Variants in SGMS2 observed in about 807,000 individuals in gnomAD.
SGMS2 encodes the protein sphingomyelin synthase 2, also known as phosphatidylcholine:ceramide cholinephosphotransferase 2.
Under a neutral mutation model 43.8 loss-of-function variants are expected in SGMS2, and 21 were observed. The ratio of observed to expected loss-of-function variants is 0.48; its 90% CI spans 0.34 to 0.69. The LOEUF (loss-of-function observed/expected upper bound fraction) is 0.69. Among genes scored for constraint, SGMS2 ranks in the 30% least tolerant of loss-of-function variants. SGMS2 has a pLI of 0.01. For synonymous variants in SGMS2, 167 were observed against 160.6 expected, an observed-to-expected ratio of 1.04 and a Z score of -0.30; for missense variants, 384 against 443.2, an observed-to-expected ratio of 0.87 and a Z score of 1.20.
intron 1 of SGMS2, among the ~76,000 whole-genome samples, chr4:107,833,761 A>T (rs1455001943): frequency 6.6e-6 from 1 of 152,302 alleles, no homozygotes; most frequent in Middle Eastern, 3.4e-3. Flanking sequence ...TGACCAGCTG[A>T]TGTTGACATT....
intron 5 of SGMS2, among the ~76,000 whole-genome samples, chr4:107,904,940 A>T (rs141885023): frequency 6.6e-6 from 1 of 152,126 alleles, no homozygotes; most frequent in Admixed American, 6.6e-5. Flanking sequence ...TGAGGATCAT[A>T]AAAAAATTAC....
intron 2 of SGMS2, among the ~76,000 whole-genome samples, chr4:107,888,065 C>T (rs1355696351): frequency 6.6e-6 from 1 of 152,112 alleles, no homozygotes; most frequent in Non-Finnish European, 1.5e-5. Flanking sequence ...TCAGTTCCTA[C>T]AGTCTCATAC....
chr4:107,881,763 C>T (rs1343624745), intron 2 of SGMS2, among the ~76,000 whole-genome samples: 1 of 152,118 alleles, frequency 6.6e-6, no homozygotes, highest in Non-Finnish European at 1.5e-5. Flanking sequence ...CCCTGCCACC[C>T]ACCACTACTC....
At chr4:107,873,606 T>G (rs901920412) in intron 2 of SGMS2, among the ~76,000 whole-genome samples, 1 of 151,984 alleles carries the variant, frequency 6.6e-6, no homozygotes, top group African/African-American at 2.4e-5. Flanking sequence ...TATATACTTA[T>G]GCTGTGTTTA....
chr4:107,909,144 T>A (rs1731883707), intron 6 of SGMS2, among the ~76,000 whole-genome samples: 2 of 151,914 alleles, frequency 1.3e-5, no homozygotes, highest in Admixed American at 1.3e-4. Context: ...CTTGTTCTAT[T>A]GCCCAAGCTG....
chr4:107,875,911 A>G (rs1451736289), intron 2 of SGMS2, among the ~76,000 whole-genome samples: 1 of 152,138 alleles, frequency 6.6e-6, no homozygotes, highest in African/African-American at 2.4e-5. Context: ...GGACTGAAGC[A>G]TAGGACTTCA....
intron 1 of SGMS2, among the ~76,000 whole-genome samples, chr4:107,827,900 C>A (rs182755125): frequency 6.6e-6 from 1 of 152,082 alleles, no homozygotes; most frequent in African/African-American, 2.4e-5. Context: ...GCAGGAGAAT[C>A]GCTTGAACCT....
chr4:107,904,613 G>A (rs895927410), intron 5 of SGMS2, among the ~76,000 whole-genome samples: 3 of 152,116 alleles, frequency 2.0e-5, no homozygotes, highest in African/African-American at 7.2e-5. Context: ...CCTGCAGTAG[G>A]GAGAATAGTG....
At chr4:107,842,289 C>T (rs1234296225) in intron 1 of SGMS2, among the ~76,000 whole-genome samples, 1 of 152,148 alleles carries the variant, frequency 6.6e-6, no homozygotes, top group Non-Finnish European at 1.5e-5. Context: ...ACATCTGCTT[C>T]TGGTGAGGGC....
At chr4:107,887,469 C>T (rs1432799042) in intron 2 of SGMS2, among the ~76,000 whole-genome samples, 1 of 152,130 alleles carries the variant, frequency 6.6e-6, no homozygotes, top group Non-Finnish European at 1.5e-5. Context: ...ATACCAATAG[C>T]ATATTTATAC....
chr4:107,826,054 C>T (rs189721951), intron 1 of SGMS2, among the ~76,000 whole-genome samples: 2 of 152,254 alleles, frequency 1.3e-5, no homozygotes, highest in East Asian at 3.9e-4. Context: ...TTACCAGTCT[C>T]CTCTATTAAC....
intron 2 of SGMS2, among the ~76,000 whole-genome samples, chr4:107,891,878 T>C (rs570550644): frequency 1.3e-5 from 2 of 152,146 alleles, no homozygotes; most frequent in African/African-American, 4.8e-5. Context: ...AGCCTACACG[T>C]TGAACATACC....
At chr4:107,898,373 T>C (rs1481227695) in intron 3 of SGMS2, among the ~76,000 whole-genome samples, 1 of 152,158 alleles carries the variant, frequency 6.6e-6, no homozygotes, top group African/African-American at 2.4e-5. Flanking sequence ...TTCCAAATGT[T>C]ATCTGAATTA....
At chr4:107,879,555 A>G (rs1377262139) in intron 2 of SGMS2, among the ~76,000 whole-genome samples, 1 of 151,226 alleles carries the variant, frequency 6.6e-6, no homozygotes, top group African/African-American at 2.4e-5. Flanking sequence ...TCTGCCTCCC[A>G]GGTTCAAGTG....
intron 2 of SGMS2, among the ~76,000 whole-genome samples, chr4:107,882,923 CT>C (rs969739448): frequency 1.3e-5 from 2 of 151,940 alleles, no homozygotes; most frequent in African/African-American, 2.4e-5. Context: ...CAGGAACATG[CT>C]TTTTTTGATC....
In SGMS2 at chr4:107,909,255, G is replaced by A. The variant is rs188564094; in HGVS notation, c.894+524G>A. ...CAAATAGCTGGGATTACAGGTGCAC[G>A]ACACCACGCCTGGCTAATTTTTATT... On this transcript the variant is annotated intron_variant, in intron 6 of 6. Coordinates refer to ENST00000690982, the MANE Select transcript of SGMS2 (RefSeq NM_001375905.1). Among the ~76,000 whole-genome samples the A allele has an allele frequency of 1.3e-4, 20 of 151,948 alleles. No homozygotes were observed. The East Asian group carries it at 1.6e-3, about 12-fold the overall frequency.
At chr4:107,910,296 G>A (rs1732010361) in intron 6 of SGMS2, 54 bp from the exon 7 acceptor site, 4 of 1,416,282 alleles carry the variant, frequency 2.8e-6, no homozygotes, top group Admixed American at 1.8e-5. Flanking sequence ...AAAATAATTG[G>A]GATGCAAATT....
At chr4:107,879,712 T>G (rs1027380310) in intron 2 of SGMS2, among the ~76,000 whole-genome samples, 1 of 152,214 alleles carries the variant, frequency 6.6e-6, no homozygotes, top group African/African-American at 2.4e-5. Flanking sequence ...TCCACCTGCC[T>G]CAGCTTCCCA....
At chr4:107,870,612 A>C (rs72675575) in intron 2 of SGMS2, among the ~76,000 whole-genome samples, 1 of 152,300 alleles carries the variant, frequency 6.6e-6, no homozygotes, top group Non-Finnish European at 1.5e-5. Flanking sequence ...TCTAAAGTAT[A>C]GATGCACGTT....
Sources: gnomAD v4.1 joint callset for allele counts (sites outside exome capture counted in the v4.1 genomes callset) on GRCh38, gnomAD v4.1.1 for gene constraint, MANE v1.5 for transcripts, NCBI Gene and HGNC (gene_info 2026-07-23, HGNC 2026-07-21) for gene names.